CCDC7: variants seen among roughly 807,000 people sequenced by gnomAD.
CCDC7 encodes the protein coiled-coil domain-containing protein 7.
A neutral mutation model predicts 196.9 loss-of-function variants in CCDC7; 183 were observed. The observed-to-expected ratio is 0.93, with a 90% CI of 0.82 to 1.05. The LOEUF is 1.05. Among genes scored for constraint, CCDC7 ranks in the 50% least tolerant of loss-of-function variants. The probability of loss-of-function intolerance (pLI) is 0.00; values close to 1 mark genes in which losing one functional copy is unlikely to be tolerated. For missense variants in CCDC7, 1,540 were observed against 1,482.2 expected (o/e 1.04, Z -0.64); for synonymous variants, 525 against 484.6 (o/e 1.08, Z -1.10).
chr10:32,630,773 A>T (rs891102929), intron 18 of CCDC7, among the ~76,000 whole-genome samples: 13 of 152,204 alleles, frequency 8.5e-5, no homozygotes, highest in African/African-American at 2.9e-4. Context: ...TTGATCCAAA[A>T]TAATTGTAAA....
chr10:32,790,102 C>A (rs2082456558), intron 29 of CCDC7, among the ~76,000 whole-genome samples: 1 of 152,174 alleles, frequency 6.6e-6, no homozygotes, highest in Non-Finnish European at 1.5e-5. Context: ...GAGTCTTGTG[C>A]CTGCAGCTTT....
chr10:32,456,973 T>C (rs1450528573), intron 3 of CCDC7, among the ~76,000 whole-genome samples: 1 of 151,786 alleles, frequency 6.6e-6, no homozygotes, highest in Non-Finnish European at 1.5e-5. Context: ...ATTCATCACG[T>C]CAAACACCTA....
intron 16 of CCDC7, among the ~76,000 whole-genome samples, chr10:32,579,038 C>T (rs1241510331): frequency 3.3e-5 from 5 of 152,140 alleles, no homozygotes; most frequent in African/African-American, 1.2e-4. Flanking sequence ...GGAATTAAAA[C>T]ATTCTCAAGA....
chr10:32,464,164 C>T (rs1305329488), intron 5 of CCDC7, among the ~76,000 whole-genome samples: 1 of 152,154 alleles, frequency 6.6e-6, no homozygotes, highest in Non-Finnish European at 1.5e-5. Context: ...ATCTCTTGGC[C>T]TCCACTTCCA....
intron 24 of CCDC7, among the ~76,000 whole-genome samples, chr10:32,710,924 T>C (rs1224758002): frequency 6.6e-6 from 1 of 152,138 alleles, no homozygotes; most frequent in African/African-American, 2.4e-5. Flanking sequence ...ACATGGAAGG[T>C]CACTGACTCC....
At chr10:32,591,865 G>A (rs1406680199) in intron 18 of CCDC7, among the ~76,000 whole-genome samples, 1 of 152,178 alleles carries the variant, frequency 6.6e-6, no homozygotes, top group Non-Finnish European at 1.5e-5. Flanking sequence ...AAGAGCAAAG[G>A]TCTGGAATTG....
intron 41 of CCDC7, among the ~76,000 whole-genome samples, chr10:32,872,106 T>C (rs1565777553): frequency 2.0e-5 from 3 of 152,106 alleles, no homozygotes; most frequent in Admixed American, 6.6e-5. Context: ...GAGAGTTCTG[T>C]AGATGTCTAT....
chr10:32,451,920 T>C lies in CCDC7; in HGVS notation c.278T>C (p.Met93Thr), dbSNP rs2033163512. ...GGAAAAATTATCAAACATCTGAAGATGGTAAGAGGCTTGTTAGTTTCTGTG... is the reference window on the plus strand; with the variant it reads ...GGAAAAATTATCAAACATCTGAAGACGGTAAGAGGCTTGTTAGTTTCTGTG... The change falls in exon 1 of 42, where the codon ATG (methionine) becomes ACG (threonine). Residue 93 changes from methionine to threonine, a missense_variant and splice_region_variant. Met to Thr is a moderately conservative substitution (Grantham distance 81). Coordinates refer to ENST00000639629, the Ensembl canonical transcript of CCDC7. 3 of 1,609,778 alleles carry C rather than the reference T, an allele frequency of 1.9e-6. No individual in the cohort carries two copies. In the East Asian group the frequency reaches 6.7e-5, roughly 36 times the overall value.
chr10:32,845,863 T>C lies in CCDC7; in HGVS notation c.3521-13T>C. 1 of 1,575,782 alleles carries C rather than the reference T, an allele frequency of 6.3e-7. No individual in the cohort carries two copies. On this transcript the variant is annotated splice_polypyrimidine_tract_variant and intron_variant, in intron 35 of 41. Coordinates refer to ENST00000639629, the Ensembl canonical transcript of CCDC7. ...CCTTATAAAATATATTGAAATCTGTTTTATTTCAATAGAGACTGATAAGGA... is the reference window on the plus strand; with the variant it reads ...CCTTATAAAATATATTGAAATCTGTCTTATTTCAATAGAGACTGATAAGGA...
Position 32,694,999 on chromosome 10 carries a change from A to G in CCDC7, c.2458+7A>G, listed in dbSNP as rs774289918. ...AGAGAGAAAAGACATAGTAGTAAGT[A>G]TAATAATTATAGATAACTTAAAAAT... On this transcript the variant is annotated splice_region_variant and intron_variant, in intron 24 of 41. Coordinates refer to ENST00000639629, the Ensembl canonical transcript of CCDC7. 2.2e-5 allele frequency: 31 copies of G among 1,440,688 alleles called. No homozygotes were observed. The African/African-American group carries it at 3.9e-4, about 18-fold the overall frequency. 89.2% of individuals were successfully genotyped at this position (1,440,688 alleles called of 1,614,324 possible). A position where few individuals can be genotyped will look rare whatever the true frequency, so the allele number is the denominator to read the frequency against.
chr10:32,833,553 A>G (rs1460491595), intron 32 of CCDC7, among the ~76,000 whole-genome samples: 4 of 152,124 alleles, frequency 2.6e-5, no homozygotes, highest in African/African-American at 9.6e-5. Context: ...ACTTTTGCTT[A>G]TCTAACGCAA....
chr10:32,823,853 C>G (rs1307378636), intron 31 of CCDC7, among the ~76,000 whole-genome samples: 1 of 152,072 alleles, frequency 6.6e-6, no homozygotes, highest in African/African-American at 2.4e-5. Flanking sequence ...ACAAATATTC[C>G]CGTTTTCTTC....
At chr10:32,584,376 TA>T in intron 18 of CCDC7, 72 bp downstream of exon 19, 2 of 1,006,878 alleles carry the variant, frequency 2.0e-6, no homozygotes, top group Non-Finnish European at 3.0e-6. Flanking sequence ...TAATTATAAA[TA>T]AATGAGGGGA....
At chr10:32,534,442 T>C (rs1339547648) in intron 11 of CCDC7, among the ~76,000 whole-genome samples, 1 of 152,192 alleles carries the variant, frequency 6.6e-6, no homozygotes, top group African/African-American at 2.4e-5. Flanking sequence ...GAGGTTATGA[T>C]TTCTTGTTTG....
intron 29 of CCDC7, among the ~76,000 whole-genome samples, chr10:32,796,050 G>T (rs2134804295): frequency 6.6e-6 from 1 of 152,254 alleles, no homozygotes; most frequent in South Asian, 2.1e-4. Flanking sequence ...TGAGGGCTAA[G>T]GATGATAGGC....
At chr10:32,589,395 T>C (rs910824271) in intron 18 of CCDC7, among the ~76,000 whole-genome samples, 30 of 152,148 alleles carry the variant, frequency 2.0e-4, no homozygotes, top group African/African-American at 7.0e-4. Flanking sequence ...TATTCATTCA[T>C]CTGTTGCTGG....
At chr10:32,830,788 ATAATT>A (rs1232026994) in intron 32 of CCDC7, among the ~76,000 whole-genome samples, 1 of 152,182 alleles carries the variant, frequency 6.6e-6, no homozygotes, top group Admixed American at 6.6e-5. Context: ...AAAGAACAAA[ATAATT>A]TAAAGAAATT....
chr10:32,861,972 T>G (rs1373751004), intron 41 of CCDC7, among the ~76,000 whole-genome samples: 2 of 152,202 alleles, frequency 1.3e-5, no homozygotes, highest in Non-Finnish European at 2.9e-5. Flanking sequence ...CTGGTGGGAC[T>G]GTAAATTAGT....
intron 41 of CCDC7, among the ~76,000 whole-genome samples, chr10:32,858,534 T>A (rs928306398): frequency 6.6e-6 from 1 of 152,166 alleles, no homozygotes; most frequent in Non-Finnish European, 1.5e-5. Context: ...GGTAAATTAG[T>A]CAATGTGATA....
Sources: gnomAD v4.1 joint callset for allele counts (sites outside exome capture counted in the v4.1 genomes callset) on GRCh38, gnomAD v4.1.1 for gene constraint, MANE v1.5 for transcripts, NCBI Gene and HGNC (gene_info 2026-07-23, HGNC 2026-07-21) for gene names.